Variants in RBFOX1 observed in about 807,000 individuals in gnomAD.
RBFOX1 encodes RNA binding fox-1 homolog 1, also known as RNA binding protein fox-1 homolog 1.
RBFOX1 carries 8 observed loss-of-function variants against 57.7 expected under a neutral mutation model. That is an observed-to-expected ratio of 0.14 (90% CI 0.08 to 0.25). The LOEUF is 0.25. Ranked by LOEUF, RBFOX1 falls within the 10% of genes least tolerant of loss-of-function variation. The probability of loss-of-function intolerance (pLI) is 1.00; values close to 1 mark genes in which losing one functional copy is unlikely to be tolerated. For synonymous variants in RBFOX1, 326 were observed against 222.4 expected (o/e 1.47, Z -4.15); for missense variants, 611 against 548.5 (o/e 1.11, Z -1.14).
At chr16:5,998,952 A>G (rs1401221248) in intron 4 of RBFOX1, among the ~76,000 whole-genome samples, 1 of 152,138 alleles carries the variant, frequency 6.6e-6, no homozygotes, top group East Asian at 1.9e-4. Flanking sequence ...ATACTGGACT[A>G]TCTGCATTTC....
At chr16:7,001,772 A>G (rs889468876) in intron 3 of RBFOX1, among the ~76,000 whole-genome samples, 2 of 152,084 alleles carry the variant, frequency 1.3e-5, no homozygotes, top group Non-Finnish European at 2.9e-5. Context: ...ATTTGTTTTT[A>G]GAAGCTTTTC....
chr16:6,760,171 G>C (rs766694438), intron 3 of RBFOX1, among the ~76,000 whole-genome samples: 1 of 152,152 alleles, frequency 6.6e-6, no homozygotes, highest in Non-Finnish European at 1.5e-5. Flanking sequence ...GATAAGCATC[G>C]CTATGTTTGA....
intron 3 of RBFOX1, among the ~76,000 whole-genome samples, chr16:5,707,040 G>A (rs2051277269): frequency 6.6e-6 from 1 of 152,138 alleles, no homozygotes; most frequent in South Asian, 2.1e-4. Context: ...TCCACCTCCA[G>A]CAGAGCACCC....
intron 1 of RBFOX1, among the ~76,000 whole-genome samples, chr16:5,313,778 C>G (rs1296039339): frequency 6.6e-6 from 1 of 152,152 alleles, no homozygotes; most frequent in Admixed American, 6.5e-5. Context: ...ATTCAGTTAC[C>G]TCCCACTAGG....
chr16:6,542,499 T>TTTTTTTTTG (rs1443432835), intron 2 of RBFOX1, among the ~76,000 whole-genome samples: 1 of 131,566 alleles, frequency 7.6e-6, no homozygotes, highest in Non-Finnish European at 1.6e-5. Context: ...TTTTTTTTTT[T>TTTTTTTTTG]TTTTTTTTGA....
intron 4 of RBFOX1, among the ~76,000 whole-genome samples, chr16:7,373,469 G>C (rs117581035): frequency 6.6e-6 from 1 of 152,106 alleles, no homozygotes; most frequent in Non-Finnish European, 1.5e-5. Flanking sequence ...AGTGATGTCC[G>C]TTCTCTCCTG....
intron 2 of RBFOX1, among the ~76,000 whole-genome samples, chr16:5,519,784 G>A (rs185836954): frequency 3.3e-5 from 5 of 152,284 alleles, no homozygotes; most frequent in Admixed American, 2.0e-4. Context: ...CAGCCTGGGC[G>A]ACTTGTTCCC....
chr16:7,068,146 C>G (rs546530526), intron 4 of RBFOX1, among the ~76,000 whole-genome samples: 36 of 152,034 alleles, frequency 2.4e-4, no homozygotes, highest in Middle Eastern at 3.4e-3. Flanking sequence ...GATAATCTCC[C>G]TATTTTAAGA....
At position 7,061,553 on chromosome 16, in the gene RBFOX1, C is replaced by T. The variant is rs569293117; in HGVS notation, c.27+9455C>T. Reference sequence around the variant, plus strand: ...TTGAGTCTCCCCAGGCATTTGAACACTTTATTTGGAGAAGACTCAAAAAAA... The same window carrying T: ...TTGAGTCTCCCCAGGCATTTGAACATTTTATTTGGAGAAGACTCAAAAAAA... On this transcript the variant is annotated intron_variant, in intron 4 of 15. Coordinates refer to ENST00000550418, the MANE Select transcript of RBFOX1 (RefSeq NM_018723.4). Among the ~76,000 whole-genome samples, 9 of 152,242 alleles carry T rather than the reference C, an allele frequency of 5.9e-5. No homozygotes were observed. The East Asian group carries it at 1.4e-3, about 23-fold the overall frequency.
At chr16:5,478,911 G>T (rs943283411) in intron 2 of RBFOX1, among the ~76,000 whole-genome samples, 2 of 152,188 alleles carry the variant, frequency 1.3e-5, no homozygotes, top group Admixed American at 6.5e-5. Flanking sequence ...TGGGTTTAGG[G>T]ATGAGGGCAG....
intron 1 of RBFOX1, among the ~76,000 whole-genome samples, chr16:6,186,865 C>T (rs939672623): frequency 2.0e-5 from 3 of 152,182 alleles, no homozygotes; most frequent in Admixed American, 6.5e-5. Context: ...TGTAGGGTCA[C>T]ACTGGTGAAC....
At chr16:7,554,182 A>T (rs2087544730) in intron 5 of RBFOX1, among the ~76,000 whole-genome samples, 1 of 152,216 alleles carries the variant, frequency 6.6e-6, no homozygotes, top group Non-Finnish European at 1.5e-5. Context: ...GAAAACTAAC[A>T]GTTTCAATTT....
chr16:5,336,151 C>T (rs183096953), intron 1 of RBFOX1, among the ~76,000 whole-genome samples: 24 of 152,220 alleles, frequency 1.6e-4, no homozygotes, highest in African/African-American at 5.8e-4. Context: ...TTTCAAGATG[C>T]AGAATGTTTC....
intron 4 of RBFOX1, among the ~76,000 whole-genome samples, chr16:7,195,929 G>T (rs1180339064): frequency 6.6e-6 from 1 of 151,890 alleles, no homozygotes; most frequent in Non-Finnish European, 1.5e-5. Flanking sequence ...TAGCCCACGT[G>T]ATATGATTTT....
chr16:7,624,163 T>TA (rs1032833685), intron 10 of RBFOX1, among the ~76,000 whole-genome samples: 5 of 152,206 alleles, frequency 3.3e-5, no homozygotes, highest in Non-Finnish European at 7.3e-5. Flanking sequence ...AGACGCCTAC[T>TA]ATGGAGGGAC....
At chr16:6,572,091 G>A (rs1600223561) in intron 2 of RBFOX1, among the ~76,000 whole-genome samples, 1 of 152,102 alleles carries the variant, frequency 6.6e-6, no homozygotes, top group African/African-American at 2.4e-5. Flanking sequence ...TACACACTTA[G>A]CAAGCGTTCC....
At chr16:6,745,603 C>G (rs746953170) in intron 3 of RBFOX1, among the ~76,000 whole-genome samples, 1 of 152,118 alleles carries the variant, frequency 6.6e-6, no homozygotes, top group African/African-American at 2.4e-5. Flanking sequence ...AAAATGGATT[C>G]TAGTTTTTTA....
intron 1 of RBFOX1, among the ~76,000 whole-genome samples, chr16:6,287,173 A>T (rs764056618): frequency 1.2e-4 from 19 of 152,262 alleles, no homozygotes; most frequent in African/African-American, 4.6e-4. Context: ...ACTCCATTTG[A>T]ATGCAAATTC....
chr16:5,761,885 T>G (rs538941479), intron 3 of RBFOX1, among the ~76,000 whole-genome samples: 1 of 152,222 alleles, frequency 6.6e-6, no homozygotes, highest in East Asian at 1.9e-4. Context: ...GGTCTGGTCC[T>G]TACACAGCTT....
Sources: allele counts gnomAD v4.1 joint callset (sites outside exome capture counted in the v4.1 genomes callset), GRCh38; gene constraint gnomAD v4.1.1; transcripts MANE v1.5; gene names NCBI Gene and HGNC (gene_info 2026-07-23, HGNC 2026-07-21).